FBXL20: variants seen among roughly 807,000 people sequenced by gnomAD.
FBXL20 encodes the protein F-box and leucine rich repeat protein 20.
Under a neutral mutation model 64.0 loss-of-function variants are expected in FBXL20, and 11 were observed. That is an observed-to-expected ratio of 0.17 (90% CI 0.11 to 0.28). The LOEUF (loss-of-function observed/expected upper bound fraction) is 0.28, where lower values mean the gene tolerates loss of function less well. Among genes scored for constraint, FBXL20 ranks in the 10% least tolerant of loss-of-function variants. FBXL20 has a pLI of 1.00. For synonymous variants in FBXL20, 184 were observed against 189.0 expected (o/e 0.97, Z 0.22); for missense variants, 303 against 526.2 (o/e 0.58, Z 4.15).
intron 10 of FBXL20, among the ~76,000 whole-genome samples, chr17:39,274,617 T>C (rs1003647845): frequency 2.0e-5 from 3 of 152,242 alleles, no homozygotes; most frequent in African/African-American, 7.2e-5. Context: ...ATCATTACTA[T>C]GACAAATGAC....
rs529970460 is a variant in FBXL20 at position 39,391,845 on chromosome 17, A to C, written c.42+9516T>G. On this transcript the variant is annotated intron_variant, in intron 1 of 14. Transcript: ENST00000264658. ...TTCTTTTCCGCAACTACCTCTAAAA[A>C]GGAAAAAAAAAAAAAGGGCTGGGTG... Among the ~76,000 whole-genome samples the C allele has an allele frequency of 4.0e-5, 6 of 151,586 alleles. No individual in the cohort carries two copies. In the South Asian group the frequency reaches 1.3e-3, roughly 32 times the overall value.
intron 6 of FBXL20, among the ~76,000 whole-genome samples, chr17:39,295,699 C>A (rs1201460691): frequency 6.6e-6 from 1 of 151,442 alleles, no homozygotes. Context: ...CTTGTGTTTT[C>A]TCACTTCCCC....
At chr17:39,399,803 G>A (rs1394378094) in intron 1 of FBXL20, among the ~76,000 whole-genome samples, 1 of 152,012 alleles carries the variant, frequency 6.6e-6, no homozygotes, top group African/African-American at 2.4e-5. Flanking sequence ...ATACAAAATA[G>A]CAATGTAATT....
chr17:39,386,215 G>T (rs2048078434), intron 1 of FBXL20, among the ~76,000 whole-genome samples: 1 of 151,764 alleles, frequency 6.6e-6, no homozygotes, highest in South Asian at 2.1e-4. Flanking sequence ...GCTGAGGCAG[G>T]AGAATCTCTT....
chr17:39,358,752 A>C (rs998013183), intron 1 of FBXL20, among the ~76,000 whole-genome samples: 10 of 152,152 alleles, frequency 6.6e-5, no homozygotes, highest in African/African-American at 2.4e-4. Context: ...CAACACTATC[A>C]ACAGAATGAA....
chr17:39,343,797 G>A (rs943805707), intron 1 of FBXL20, among the ~76,000 whole-genome samples: 4 of 151,468 alleles, frequency 2.6e-5, no homozygotes, highest in Admixed American at 2.0e-4. Flanking sequence ...CCAGGTTCAA[G>A]CGATTCTCCT....
chr17:39,363,810 C>CAAAAAAAAAAAAACA (rs1567896911), intron 1 of FBXL20, among the ~76,000 whole-genome samples: 1 of 26,676 alleles, frequency 3.7e-5, no homozygotes, highest in African/African-American at 2.4e-4. Context: ...GACTTTATCT[C>CAAAAAAAAAAAAACA]AAAAAAAAAA....
At chr17:39,348,303 A>C (rs2047653623) in intron 1 of FBXL20, among the ~76,000 whole-genome samples, 1 of 152,150 alleles carries the variant, frequency 6.6e-6, no homozygotes, top group South Asian at 2.1e-4. Flanking sequence ...TCTACTAAAA[A>C]TACAAAAATT....
At chr17:39,294,173 C>A (rs2047064836) in intron 6 of FBXL20, among the ~76,000 whole-genome samples, 1 of 151,714 alleles carries the variant, frequency 6.6e-6, no homozygotes, top group African/African-American at 2.4e-5. Flanking sequence ...TAGGGTCTCA[C>A]TATGTTGGCC....
chr17:39,267,611 G>T (rs1414076050), intron 12 of FBXL20, among the ~76,000 whole-genome samples: 2 of 152,218 alleles, frequency 1.3e-5, no homozygotes, highest in Admixed American at 1.3e-4. Context: ...GGCACTGCTG[G>T]AATCTGGGTT....
At chr17:39,337,311 G>A (rs2144556234) in intron 2 of FBXL20, among the ~76,000 whole-genome samples, 1 of 152,324 alleles carries the variant, frequency 6.6e-6, no homozygotes, top group South Asian at 2.1e-4. Context: ...AGGCTGGAGT[G>A]CAGTGGTGTG....
intron 2 of FBXL20, among the ~76,000 whole-genome samples, chr17:39,322,161 A>AC (rs1317134035): frequency 9.4e-6 from 1 of 106,008 alleles, no homozygotes; most frequent in Non-Finnish European, 1.7e-5. Flanking sequence ...CACTATCTCT[A>AC]CCAAAAAAAA....
At chr17:39,343,373 A>G (rs1415608649) in intron 1 of FBXL20, 132 bp from the exon 2 acceptor site, 1 of 549,652 alleles carries the variant, frequency 1.8e-6, no homozygotes, top group Non-Finnish European at 3.1e-6. Context: ...CCAAAGTCAT[A>G]ATTTTGGAAA....
rs867230807 is a variant in FBXL20, at chr17:39,382,169, C to T, written c.42+19192G>A. On this transcript the variant is annotated intron_variant, in intron 1 of 14. Coordinates refer to ENST00000264658, the MANE Select transcript of FBXL20 (RefSeq NM_032875.3). Reference sequence around the variant, plus strand: ...TATAAATTAAAAATAGATGGCTTGGCGCGGTGGCTCACGCCTGTAATCCCA... The same window carrying T: ...TATAAATTAAAAATAGATGGCTTGGTGCGGTGGCTCACGCCTGTAATCCCA... 3.3e-5 allele frequency among the ~76,000 whole-genome samples: 5 copies of T among 150,640 alleles called. No individual in the cohort carries two copies. In the South Asian group the frequency reaches 6.3e-4, roughly 19 times the overall value.
intron 2 of FBXL20, among the ~76,000 whole-genome samples, chr17:39,333,022 C>CT (rs559442415): frequency 1.2e-3 from 176 of 151,942 alleles, no homozygotes; most frequent in Admixed American, 2.4e-3. Context: ...AGGCTGGTCT[C>CT]TAACTCCTGG....
In FBXL20 at chr17:39,268,806, A is replaced by T. The variant is rs531653069; in HGVS notation, c.933+21T>A. 19 of 1,604,956 alleles carry T rather than the reference A, an allele frequency of 1.2e-5. No individual in the cohort carries two copies. The African/African-American group carries it at 2.0e-4, about 17-fold the overall frequency. ...AAGTGTCTACTATACTGTATTTCTG[A>T]ATTAAAATCTACAATCTTACCTGAA... On this transcript the variant is annotated intron_variant, in intron 12 of 14. Coordinates refer to ENST00000264658, the MANE Select transcript of FBXL20 (RefSeq NM_032875.3).
intron 1 of FBXL20, among the ~76,000 whole-genome samples, chr17:39,358,899 A>C (rs2047767394): frequency 1.3e-5 from 2 of 152,236 alleles, no homozygotes; most frequent in African/African-American, 4.8e-5. Context: ...AAAGGCTTGA[A>C]TATTCAGACG....
intron 1 of FBXL20, among the ~76,000 whole-genome samples, chr17:39,371,547 T>C (rs1385205650): frequency 6.6e-6 from 1 of 152,168 alleles, no homozygotes; most frequent in Non-Finnish European, 1.5e-5. Context: ...CCATTTTCTG[T>C]CTGGAACTTA....
At chr17:39,388,894 G>C (rs1485046409) in intron 1 of FBXL20, among the ~76,000 whole-genome samples, 2 of 150,152 alleles carry the variant, frequency 1.3e-5, no homozygotes, top group Admixed American at 6.6e-5. Context: ...CTGAGGTCAG[G>C]AGTTCGAGAC....
Sources: gnomAD v4.1 joint callset for allele counts (sites outside exome capture counted in the v4.1 genomes callset) on GRCh38, gnomAD v4.1.1 for gene constraint, MANE v1.5 for transcripts, NCBI Gene and HGNC (gene_info 2026-07-23, HGNC 2026-07-21) for gene names.